Variants in PSMD3 observed in about 807,000 individuals in gnomAD.
The protein encoded by PSMD3 is 26S proteasome non-ATPase regulatory subunit 3.
In PSMD3, 5 loss-of-function variants were observed where a neutral mutation model predicts 62.8. The observed-to-expected ratio is 0.08, with a 90% CI of 0.04 to 0.17. The LOEUF (loss-of-function observed/expected upper bound fraction) is 0.17. Among genes scored for constraint, PSMD3 ranks in the 10% least tolerant of loss-of-function variants. The pLI, the probability that PSMD3 is intolerant of heterozygous loss-of-function variation, is 1.00. For synonymous variants in PSMD3, 265 were observed against 283.9 expected (o/e 0.93, Z 0.67); for missense variants, 524 against 713.6 (o/e 0.73, Z 3.03).
chr17:39,988,489 G>A (rs1980578388), intron 3 of PSMD3, among the ~76,000 whole-genome samples, 194 bp from the exon 4 acceptor site: 2 of 152,166 alleles, frequency 1.3e-5, no homozygotes, highest in African/African-American at 4.8e-5. Context: ...CAGCTGACGG[G>A]CACCTGGGTT....
chr17:39,983,115 C>G (rs1406422142), intron 1 of PSMD3, among the ~76,000 whole-genome samples: 1 of 152,032 alleles, frequency 6.6e-6, no homozygotes, highest in South Asian at 2.1e-4. Flanking sequence ...TCACTGCAAC[C>G]TCTGCCTCCC....
chr17:39,989,441 T>C (rs1381547840), intron 4 of PSMD3, among the ~76,000 whole-genome samples: 2 of 152,186 alleles, frequency 1.3e-5, no homozygotes, highest in Admixed American at 6.5e-5. Context: ...GCATTCCCCA[T>C]TGCAGTTCCC....
At chr17:39,994,862 CACT>C in intron 6 of PSMD3, 89 bp from the exon 7 acceptor site, 1 of 1,098,166 alleles carries the variant, frequency 9.1e-7, no homozygotes, top group African/African-American at 1.5e-5. Flanking sequence ...CCCTGTTTCC[CACT>C]ACATCTGGCA....
At chr17:39,990,275 C>A in intron 6 of PSMD3, 78 bp downstream of exon 6, 1 of 1,285,654 alleles carries the variant, frequency 7.8e-7, no homozygotes, top group Non-Finnish European at 1.1e-6. Flanking sequence ...GTTACCTGGG[C>A]TGGTCTTGAA....
chr17:39,988,787 T>C lies in PSMD3; in HGVS notation c.654T>C (p.Tyr218=), dbSNP rs774938857. The change falls in exon 4 of 12, where the codon TAT becomes TAC. Residue 218 remains tyrosine (Y), a synonymous_variant. Transcript: ENST00000264639. ...GTTACTATTATCACGCCCGGGTCTATGAGTTCCTGGACAAGCTGGATGTGG... is the reference window on the plus strand; with the variant it reads ...GTTACTATTATCACGCCCGGGTCTACGAGTTCCTGGACAAGCTGGATGTGG... ...AKCYYYHARV[Y]EFLDKLDVVR... 1 of 1,614,084 alleles carries C rather than the reference T, an allele frequency of 6.2e-7. No homozygotes were observed. The highest frequency in any genetic ancestry group is 1.1e-5 in the South Asian group (1 of 91,078).
At chr17:39,983,233 A>G (rs1221970845) in intron 1 of PSMD3, among the ~76,000 whole-genome samples, 1 of 152,110 alleles carries the variant, frequency 6.6e-6, no homozygotes. Flanking sequence ...GGGTTTCACC[A>G]TGTTGGCCAG....
Position 39,995,700 on chromosome 17 carries a change from G to T in PSMD3, c.1320+173G>T, listed in dbSNP as rs1238506654. On this transcript the variant is annotated intron_variant, in intron 9 of 11. Coordinates refer to ENST00000264639, the MANE Select transcript of PSMD3 (RefSeq NM_002809.4). This position sits in a 1 kb window ranked among gnomAD's most constrained non-coding sequence, Gnocchi z 4.1. ...CCAAGAAGTTGCCAGAGAGAGCATG[G>T]ATGTGCATGTGAGTGTGTGAGTGTA... 6 of 670,108 alleles carry T rather than the reference G, an allele frequency of 9.0e-6. No individual in the cohort carries two copies. In the African/African-American group the frequency reaches 1.1e-4, roughly 12 times the overall value. The allele number at this position is 670,108 out of a possible 1,614,324, so 41.5% of individuals were successfully genotyped here. A position where few individuals can be genotyped will look rare whatever the true frequency, so the allele number is the denominator to read the frequency against.
rs1307064058 is a variant in PSMD3, at chr17:39,996,657, C to T, written c.1476+319C>T. 8 of 530,168 alleles carry T rather than the reference C, an allele frequency of 1.5e-5. No homozygotes were observed. Among genetic ancestry groups the T allele is most frequent in the Admixed American group, 1.3e-4 (6 of 44,664 alleles). The allele number at this position is 530,168 out of a possible 1,614,324, so 32.8% of individuals were successfully genotyped here. ...TTCTCAAAGCTCTGTTTCTCCATCT[C>T]TGAAGCTGATAGGGAGGTGTTACCT... On this transcript the variant is annotated intron_variant, in intron 10 of 11. Transcript: ENST00000264639. The surrounding 1 kb of genome is among the most constrained non-coding windows in gnomAD (Gnocchi z 5.1).
chr17:39,997,461 T>TAA, intron 11 of PSMD3, 43 bp from the exon 12 acceptor site: 1 of 1,613,126 alleles, frequency 6.2e-7, no homozygotes, highest in Non-Finnish European at 8.5e-7. Context: ...CTGGAAGGGC[T>TAA]GAGCTGCTCT....
chr17:39,986,848 G>C, intron 3 of PSMD3, 136 bp downstream of exon 3: 4 of 1,244,872 alleles, frequency 3.2e-6, no homozygotes, highest in Non-Finnish European at 4.4e-6. Flanking sequence ...TCCCCATAGA[G>C]GTATGCGTTT....
chr17:39,993,075 A>G (rs1485082808), intron 6 of PSMD3: 1 of 152,156 alleles, frequency 6.6e-6, no homozygotes, highest in African/African-American at 2.4e-5. Flanking sequence ...TTTCATCACA[A>G]TTCTGGAGGC....
chr17:39,997,126 C>T (rs1486551732), intron 10 of PSMD3, among the ~76,000 whole-genome samples: 3 of 152,140 alleles, frequency 2.0e-5, no homozygotes, highest in South Asian at 2.1e-4. Flanking sequence ...GAGAGTTGGT[C>T]GTTTATTCCT....
Position 39,995,431 on chromosome 17 carries a change from C to T in PSMD3, c.1224C>T (p.Arg408=). The T allele has an allele frequency of 1.2e-6, 2 of 1,613,952 alleles. No homozygotes were observed. The highest frequency in any genetic ancestry group is 1.7e-6 in the Non-Finnish European group (2 of 1,179,818). ...LRHNVIKTGV[R]MISLSYSRIS... ...CGCTCCTTCCTCTCCCAGGTGTACGCATGATCAGCCTCTCCTATTCCCGAA... is the reference window on the plus strand; with the variant it reads ...CGCTCCTTCCTCTCCCAGGTGTACGTATGATCAGCCTCTCCTATTCCCGAA... Residue 408 remains arginine, a synonymous_variant, in exon 9 of 12, where the codon CGC becomes CGT. Transcript: ENST00000264639. The surrounding 1 kb of genome is among the most constrained non-coding windows in gnomAD (Gnocchi z 4.1).
chr17:39,996,299 C>T lies in PSMD3; in HGVS notation c.1437C>T (p.Arg479=), dbSNP rs747877728. Reference sequence around the variant, plus strand: ...AGCCCCAGCTAGCCTTCCACCAGCGCATCTCCTTCTGCCTAGATATCCACA... The same window carrying T: ...AGCCCCAGCTAGCCTTCCACCAGCGTATCTCCTTCTGCCTAGATATCCACA... ...TREPQLAFHQ[R]ISFCLDIHNM... Residue 479 remains arginine, a synonymous_variant, in exon 10 of 12, where the codon CGC becomes CGT. Coordinates refer to ENST00000264639, the MANE Select transcript of PSMD3 (RefSeq NM_002809.4). The surrounding 1 kb of genome is among the most constrained non-coding windows in gnomAD (Gnocchi z 5.1). 1 of 1,614,060 alleles carries T rather than the reference C, an allele frequency of 6.2e-7. No homozygotes were observed. Among genetic ancestry groups the T allele is most frequent in the South Asian group, 1.1e-5 (1 of 91,048 alleles).
intron 6 of PSMD3, 138 bp downstream of exon 6, chr17:39,990,335 T>G: frequency 1.4e-6 from 1 of 730,586 alleles, no homozygotes; most frequent in Admixed American, 2.7e-5. Flanking sequence ...AGTGCTGGGA[T>G]CACAGGTATG....
Position 39,986,722 on chromosome 17 carries a change from A to G in PSMD3, c.549+10A>G. The G allele has an allele frequency of 1.2e-6, 2 of 1,614,072 alleles. No individual in the cohort carries two copies. Among genetic ancestry groups the G allele is most frequent in the East Asian group, 2.2e-5 (1 of 44,880 alleles). The stretch of plus-strand genomic sequence containing the variant: ...CAAGCGCTACAAAGAGGTATCCAGG[A>G]TGCAGTGAGAGCGATTCATAAGCCC... On this transcript the variant is annotated intron_variant, in intron 3 of 11. Coordinates refer to ENST00000264639, the MANE Select transcript of PSMD3 (RefSeq NM_002809.4).
At position 39,997,494 on chromosome 17, in the gene PSMD3, C is replaced by G; in HGVS notation, c.1528-10C>G. Reference sequence around the variant, plus strand: ...TCTGAAGCTTTGGCCTCACTTGCCTCTCTCCCCAGGAACGGCGTGAGCGAG... The same window carrying G: ...TCTGAAGCTTTGGCCTCACTTGCCTGTCTCCCCAGGAACGGCGTGAGCGAG... On this transcript the variant is annotated splice_polypyrimidine_tract_variant and intron_variant, in intron 11 of 11. Coordinates refer to ENST00000264639, the MANE Select transcript of PSMD3 (RefSeq NM_002809.4). The G allele has an allele frequency of 1.2e-6, 2 of 1,614,158 alleles. No homozygotes were observed. The highest frequency in any genetic ancestry group is 2.2e-5 in the South Asian group (2 of 91,080).
intron 3 of PSMD3, among the ~76,000 whole-genome samples, chr17:39,987,941 A>G (rs1434436152): frequency 1.3e-5 from 2 of 152,174 alleles, no homozygotes; most frequent in African/African-American, 4.8e-5. Context: ...CCCTGTCTTT[A>G]CTAAAAATAC....
At position 39,989,914 on chromosome 17, in the gene PSMD3, T is replaced by C; in HGVS notation, c.862T>C (p.Tyr288His). 6.2e-7 allele frequency: 1 copy of C among 1,613,866 alleles called. No homozygotes were observed. The highest frequency in any genetic ancestry group is 8.5e-7 in the Non-Finnish European group (1 of 1,179,884). Residue 288 changes from tyrosine to histidine, a missense_variant, in exon 5 of 12, where the codon TAC becomes CAC. Tyr to His is a moderately conservative substitution (Grantham distance 83). Transcript: ENST00000264639. ...EQANNNEWAR[Y>H]LYYTGRIKAI... ...GGCCAACAACAATGAGTGGGCCAGG[T>C]ACCTCTACTACACAGGTGAGCAGAG...
Sources: gnomAD v4.1 joint callset for allele counts (sites outside exome capture counted in the v4.1 genomes callset) on GRCh38, gnomAD v4.1.1 for gene constraint, Gnocchi (gnomAD v3.1) non-coding constraint, MANE v1.5 for transcripts, NCBI Gene and HGNC (gene_info 2026-07-23, HGNC 2026-07-21) for gene names.